The following LRP1 variants were observed in gnomAD, a reference collection of about 807,000 sequenced individuals.
The protein encoded by LRP1 is prolow-density lipoprotein receptor-related protein 1.
Under a neutral mutation model 541.5 loss-of-function variants are expected in LRP1, and 51 were observed. The ratio of observed to expected loss-of-function variants is 0.09; its 90% CI spans 0.08 to 0.12. The LOEUF (loss-of-function observed/expected upper bound fraction) is 0.12, where lower values mean the gene tolerates loss of function less well. Among genes scored for constraint, LRP1 ranks in the 10% least tolerant of loss-of-function variants. The pLI is 1.00. For missense variants in LRP1, 3,878 were observed against 6,376.2 expected (o/e 0.61, Z 13.34); for synonymous variants, 2,219 against 2,470.8 (o/e 0.90, Z 3.02).
chr12:57,200,838 T>TTCC, intron 64 of LRP1, 23 bp downstream of exon 64: 2 of 630,276 alleles, frequency 3.2e-6, no homozygotes, highest in Middle Eastern at 4.0e-4. Flanking sequence ...CCGCCCACCC[T>TTCC]CCCTCCTTCC....
intron 6 of LRP1, among the ~76,000 whole-genome samples, chr12:57,145,788 T>G (rs998719035): frequency 3.9e-5 from 6 of 152,000 alleles, no homozygotes; most frequent in African/African-American, 1.5e-4. Flanking sequence ...AGGGGAGTGT[T>G]GACTAGACTG....
At chr12:57,132,713 C>T (rs989013887) in intron 1 of LRP1, among the ~76,000 whole-genome samples, 1 of 152,164 alleles carries the variant, frequency 6.6e-6, no homozygotes, top group Non-Finnish European at 1.5e-5. Flanking sequence ...TACTGCCGAA[C>T]CTTTGTGACA....
chr12:57,135,146 A>G (rs1369924447), intron 1 of LRP1, among the ~76,000 whole-genome samples: 6 of 152,226 alleles, frequency 3.9e-5, no homozygotes, highest in Non-Finnish European at 7.3e-5. Context: ...ATAGTATCTA[A>G]GTGAGTTAAT....
At chr12:57,139,998 C>A (rs1423076537) in intron 2 of LRP1, among the ~76,000 whole-genome samples, 1 of 152,276 alleles carries the variant, frequency 6.6e-6, no homozygotes, top group Non-Finnish European at 1.5e-5. Context: ...CACTCACACA[C>A]CGTGTCCAGG....
chr12:57,202,555 CA>C lies in LRP1; in HGVS notation c.10711+19del. ...GAGCTGCAGTACGTCCCCACCCACC[CA>C]GCCCCGCATGAGCCCCTCCCAGGCC... is the stretch of plus-strand genomic sequence containing the variant. On this transcript the variant is annotated intron_variant, in intron 68 of 88. Coordinates refer to ENST00000243077, the MANE Select transcript of LRP1 (RefSeq NM_002332.3). 6.6e-7 allele frequency: 1 copy of C among 1,507,412 alleles called. No homozygotes were observed. Among genetic ancestry groups the C allele is most frequent in the South Asian group, 1.2e-5 (1 of 82,664 alleles). The allele number at this position is 1,507,412 out of a possible 1,614,324, so 93.4% of individuals were successfully genotyped here.
At chr12:57,207,830 G>A (rs1003561016) in intron 76 of LRP1, among the ~76,000 whole-genome samples, 1 of 152,210 alleles carries the variant, frequency 6.6e-6, no homozygotes, top group Non-Finnish European at 1.5e-5. Context: ...GGTGATCATC[G>A]CCATTGCACA....
intron 6 of LRP1, among the ~76,000 whole-genome samples, chr12:57,148,002 T>G (rs1251185576): frequency 6.6e-6 from 1 of 152,166 alleles, no homozygotes; most frequent in Non-Finnish European, 1.5e-5. Context: ...TGGGGAGGTC[T>G]ATGAGGCTCG....
Position 57,212,426 on chromosome 12 carries a change from C to T in LRP1, c.13506C>T (p.Phe4502=). 1 of 1,614,116 alleles carries T rather than the reference C, an allele frequency of 6.2e-7. No homozygotes were observed. Among genetic ancestry groups the T allele is most frequent in the Non-Finnish European group, 8.5e-7 (1 of 1,180,020 alleles). Reference sequence around the variant, plus strand: ...CTGTCACCCTGCAGCCCACCAACTTCACCAACCCCGTGTATGCCACACTCT... The same window carrying T: ...CTGTCACCCTGCAGCCCACCAACTTTACCAACCCCGTGTATGCCACACTCT... ...FALDPDKPTN[F]TNPVYATLYM... Residue 4502 remains phenylalanine, a synonymous_variant, in exon 89 of 89, where the codon TTC becomes TTT. Coordinates refer to ENST00000243077, the MANE Select transcript of LRP1 (RefSeq NM_002332.3). This position sits in a 1 kb window ranked among gnomAD's most constrained non-coding sequence, Gnocchi z 5.0.
At chr12:57,161,142 G>T in intron 13 of LRP1, 27 bp downstream of exon 13, 2 of 1,602,926 alleles carry the variant, frequency 1.2e-6, no homozygotes, top group South Asian at 1.1e-5. Context: ...CTGTGTGGGG[G>T]AATCTGTGTG....
At chr12:57,186,043 C>A in intron 41 of LRP1, 135 bp downstream of exon 41, 1 of 1,021,680 alleles carries the variant, frequency 9.8e-7, no homozygotes, top group Non-Finnish European at 1.4e-6. Flanking sequence ...CCAACTGCAC[C>A]CCCGCAGTTA....
chr12:57,202,601 C>T, intron 68 of LRP1, 64 bp downstream of exon 68: 11 of 1,348,330 alleles, frequency 8.2e-6, no homozygotes, highest in Non-Finnish European at 1.1e-5. Flanking sequence ...TCTCGCGGCC[C>T]TCCTGCCACA....
chr12:57,135,416 C>G (rs1248593286), intron 1 of LRP1, among the ~76,000 whole-genome samples: 1 of 152,186 alleles, frequency 6.6e-6, no homozygotes, highest in Non-Finnish European at 1.5e-5. Context: ...TTATAAGGGT[C>G]CTACCCCGCT....
intron 78 of LRP1, 92 bp downstream of exon 78, chr12:57,208,909 G>A: frequency 1.6e-6 from 2 of 1,217,026 alleles, no homozygotes; most frequent in South Asian, 1.3e-5. Flanking sequence ...AGCAAGGGAT[G>A]GGATGGGGCT....
chr12:57,156,301 G>A lies in LRP1; in HGVS notation c.1417+18G>A. The stretch of plus-strand genomic sequence containing the variant: ...GCCCCGAGGTGAGCAGGGCTCCATG[G>A]CCCCTCCAAAGCTGGCTTTACCCCA... On this transcript the variant is annotated intron_variant, in intron 9 of 88. Transcript: ENST00000243077. This position sits in a 1 kb window ranked among gnomAD's most constrained non-coding sequence, Gnocchi z 5.2. 6.2e-7 allele frequency: 1 copy of A among 1,612,486 alleles called. No individual in the cohort carries two copies. Among genetic ancestry groups the A allele is most frequent in the Non-Finnish European group, 8.5e-7 (1 of 1,179,274 alleles).
Position 57,206,645 on chromosome 12 carries a change from G to A in LRP1, c.11763G>A (p.Thr3921=), listed in dbSNP as rs371631915. The change falls in exon 76 of 89, where the codon ACG becomes ACA. Residue 3921 remains threonine (T), a synonymous_variant. Coordinates refer to ENST00000243077, the MANE Select transcript of LRP1 (RefSeq NM_002332.3). This position sits in a 1 kb window ranked among gnomAD's most constrained non-coding sequence, Gnocchi z 4.7. The stretch of plus-strand genomic sequence containing the variant: ...GTGTCTATTGGACCAACTGGCACAC[G>A]GGCACCATCTCCTACCGCAGCCTGC... ...AGRVYWTNWH[T]GTISYRSLPP... is the part of the protein sequence containing the mutation. The A allele has an allele frequency of 3.1e-6, 5 of 1,613,894 alleles. No homozygotes were observed. The South Asian group carries it at 3.3e-5, about 11-fold the overall frequency.
Position 57,201,944 on chromosome 12 carries a change from C to G in LRP1, c.10594+39C>G. The G allele has an allele frequency of 6.2e-7, 1 of 1,611,448 alleles. No homozygotes were observed. Among genetic ancestry groups the G allele is most frequent in the Non-Finnish European group, 8.5e-7 (1 of 1,178,374 alleles). ...CCACTCCAGGAGGAAGACAGTCTAC[C>G]TGGGTGGGAGGCATGGCACCCCTGG... On this transcript the variant is annotated intron_variant, in intron 67 of 88. Coordinates refer to ENST00000243077, the MANE Select transcript of LRP1 (RefSeq NM_002332.3). This position sits in a 1 kb window ranked among gnomAD's most constrained non-coding sequence, Gnocchi z 6.4.
chr12:57,159,223 A>T (rs2035681296), intron 11 of LRP1, among the ~76,000 whole-genome samples: 1 of 152,130 alleles, frequency 6.6e-6, no homozygotes. Flanking sequence ...CCGCCTCCCC[A>T]TCAATCTGGT....
intron 1 of LRP1, among the ~76,000 whole-genome samples, chr12:57,135,093 A>G (rs145923782): frequency 6.6e-6 from 1 of 152,144 alleles, no homozygotes; most frequent in East Asian, 1.9e-4. Flanking sequence ...CAGCTCCCCC[A>G]TGTGTGAGAG....
intron 18 of LRP1, 43 bp downstream of exon 18, chr12:57,167,089 G>A: frequency 1.3e-6 from 2 of 1,543,480 alleles, no homozygotes; most frequent in Non-Finnish European, 1.8e-6. Context: ...GCCTGGGGGA[G>A]GGGCATCCTG....
Sources: gnomAD v4.1 joint callset for allele counts (sites outside exome capture counted in the v4.1 genomes callset) on GRCh38, gnomAD v4.1.1 for gene constraint, Gnocchi (gnomAD v3.1) non-coding constraint, MANE v1.5 for transcripts, NCBI Gene and HGNC (gene_info 2026-07-23, HGNC 2026-07-21) for gene names.